The following WDFY4 variants were observed in gnomAD, a reference collection of about 807,000 sequenced individuals.
WDFY4 encodes WDFY family member 4, also known as WD repeat- and FYVE domain-containing protein 4.
A neutral mutation model predicts 351.9 loss-of-function variants in WDFY4; 169 were observed. That is an observed-to-expected ratio of 0.48 (90% CI 0.42 to 0.55). The LOEUF (loss-of-function observed/expected upper bound fraction) is 0.55. Ranked by LOEUF, WDFY4 falls within the 20% of genes least tolerant of loss-of-function variation. The pLI, the probability that WDFY4 is intolerant of heterozygous loss-of-function variation, is 0.00. For synonymous variants in WDFY4, 1,622 were observed against 1,574.6 expected (o/e 1.03, Z -0.71); for missense variants, 3,803 against 3,935.6 (o/e 0.97, Z 0.90).
At chr10:48,885,399 G>A (rs925084505) in intron 43 of WDFY4, among the ~76,000 whole-genome samples, 1 of 152,202 alleles carries the variant, frequency 6.6e-6, no homozygotes, top group Non-Finnish European at 1.5e-5. Context: ...CACAGGTTAT[G>A]GTGAGCATTG....
intron 32 of WDFY4, among the ~76,000 whole-genome samples, chr10:48,818,031 G>T (rs1038856383): frequency 5.3e-5 from 8 of 152,252 alleles, no homozygotes; most frequent in Non-Finnish European, 1.2e-4. Flanking sequence ...CTGGGTCAGG[G>T]CCGTGTGGGA....
chr10:48,864,754 T>G (rs2069481844), intron 39 of WDFY4, among the ~76,000 whole-genome samples: 1 of 152,218 alleles, frequency 6.6e-6, no homozygotes, highest in African/African-American at 2.4e-5. Context: ...CAGTGATATT[T>G]TATAGGTTTC....
At chr10:48,840,932 TAGA>T (rs1463401005) in intron 39 of WDFY4, among the ~76,000 whole-genome samples, 1 of 152,238 alleles carries the variant, frequency 6.6e-6, no homozygotes, top group Non-Finnish European at 1.5e-5. Context: ...ATCTTCATAA[TAGA>T]AGGATAATTA....
At chr10:48,773,337 T>A (rs2065927724) in intron 13 of WDFY4, among the ~76,000 whole-genome samples, 1 of 152,124 alleles carries the variant, frequency 6.6e-6, no homozygotes, top group African/African-American at 2.4e-5. Context: ...TCCATTAAGA[T>A]CTAACCTGTA....
rs777785599 is a variant in WDFY4, at chr10:48,974,863, C to A, written c.8930C>A (p.Ala2977Asp). 2 of 1,540,182 alleles carry A rather than the reference C, an allele frequency of 1.3e-6. No homozygotes were observed. Among genetic ancestry groups the A allele is most frequent in the Non-Finnish European group, 1.8e-6 (2 of 1,139,670 alleles). Reference sequence around the variant, plus strand: ...TAACCTGTGAGTCTCTGTCCCCAGGCCTTGTATGGACACACACAGGCTGTC... The same window carrying A: ...TAACCTGTGAGTCTCTGTCCCCAGGACTTGTATGGACACACACAGGCTGTC... ...GRPRGLRLRQ[A>D]LYGHTQAVTC... Residue 2977 changes from alanine (A) to aspartate (D), a missense_variant and splice_region_variant, in exon 58 of 62, where the codon GCC (alanine) becomes GAC (aspartate). Coordinates refer to ENST00000325239, the MANE Select transcript of WDFY4 (RefSeq NM_001394531.1).
intron 19 of WDFY4, among the ~76,000 whole-genome samples, chr10:48,784,909 G>A (rs2066353216): frequency 6.9e-6 from 1 of 145,118 alleles, no homozygotes; most frequent in African/African-American, 2.6e-5. Context: ...CCAGGCTGGA[G>A]TGCAGTGGTG....
chr10:48,730,852 T>A (rs940661260), intron 8 of WDFY4, among the ~76,000 whole-genome samples: 4 of 152,260 alleles, frequency 2.6e-5, no homozygotes, highest in Admixed American at 1.3e-4. Flanking sequence ...ATTATCTTTT[T>A]GAAATCTAAT....
In WDFY4 at chr10:48,881,166, C is replaced by T. The variant is rs893922793; in HGVS notation, c.7167+3967C>T. Reference sequence around the variant, plus strand: ...GTCTCTGGCATCTGCTGTTACTGCTCTGGCTGTTGCTGTTCCTTTCATAGC... The same window carrying T: ...GTCTCTGGCATCTGCTGTTACTGCTTTGGCTGTTGCTGTTCCTTTCATAGC... On this transcript the variant is annotated intron_variant, in intron 43 of 61. Coordinates refer to ENST00000325239, the MANE Select transcript of WDFY4 (RefSeq NM_001394531.1). 2.6e-5 allele frequency among the ~76,000 whole-genome samples: 4 copies of T among 152,190 alleles called. No homozygotes were observed. In the East Asian group the frequency reaches 7.7e-4, roughly 29 times the overall value.
rs768083529 is a variant in WDFY4, at chr10:48,820,291, G to A, written c.5563G>A (p.Asp1855Asn). 1.2e-5 allele frequency: 18 copies of A among 1,551,716 alleles called. 1 individual carries two copies. Among genetic ancestry groups the A allele is most frequent in the Non-Finnish European group, 1.4e-5 (16 of 1,146,998 alleles). ...TSSPEAAAEG[D>N]STVEGLQAPT... ...CAGTCCTGAGGCCGCAGCTGAAGGC[G>A]ACAGCACAGTGGAGGGTCTCCAGGC... The change falls in exon 33 of 62, where the codon GAC (aspartate) becomes AAC (asparagine). Residue 1855 changes from aspartate (D) to asparagine (N), a missense_variant. Around this residue, in one of 3 missense-constraint regions of WDFY4, gnomAD observed 3,054 missense variants for 3,148.6 expected, o/e 0.97. Transcript: ENST00000325239.
intron 61 of WDFY4, 84 bp from the exon 62 acceptor site, chr10:48,982,425 C>T: frequency 8.0e-7 from 1 of 1,248,784 alleles, no homozygotes; most frequent in South Asian, 1.6e-5. Flanking sequence ...CAGATAGAGC[C>T]CCAGAGTTGC....
chr10:48,743,443 A>G lies in WDFY4; in HGVS notation c.2354A>G (p.Lys785Arg), dbSNP rs1292064909. 6.4e-7 allele frequency: 1 copy of G among 1,550,808 alleles called. No homozygotes were observed. The highest frequency in any genetic ancestry group is 2.0e-5 in the Admixed American group (1 of 50,988). ...SGTLHLRGDL[K>R]ESLRTKQGPV... Reference sequence around the variant, plus strand: ...ACCCTCCACTTGCGTGGGGACCTGAAGGAGTCCCTGAGGACCAAGCAGGGG... The same window carrying G: ...ACCCTCCACTTGCGTGGGGACCTGAGGGAGTCCCTGAGGACCAAGCAGGGG... The change falls in exon 12 of 62, where the codon AAG (lysine) becomes AGG (arginine). Residue 785 changes from lysine (K) to arginine (R), a missense_variant. Coordinates refer to ENST00000325239, the MANE Select transcript of WDFY4 (RefSeq NM_001394531.1).
chr10:48,918,268 C>T (rs1245493523), intron 47 of WDFY4, among the ~76,000 whole-genome samples: 2 of 151,948 alleles, frequency 1.3e-5, no homozygotes, highest in Non-Finnish European at 2.9e-5. Context: ...CTACATGCTC[C>T]AATTAAAAGA....
chr10:48,700,461 A>G (rs1430061961), intron 1 of WDFY4, among the ~76,000 whole-genome samples: 2 of 152,240 alleles, frequency 1.3e-5, no homozygotes, highest in Non-Finnish European at 2.9e-5. Flanking sequence ...TTTGTTTACA[A>G]TAGTGTTCCT....
intron 55 of WDFY4, 93 bp from the exon 56 acceptor site, chr10:48,968,971 C>G (rs1842213189): frequency 7.6e-7 from 1 of 1,315,900 alleles, no homozygotes. Flanking sequence ...AAGTTCAAGT[C>G]CAGTGTGTCT....
At chr10:48,798,147 T>C (rs988809760) in intron 24 of WDFY4, among the ~76,000 whole-genome samples, 3 of 152,132 alleles carry the variant, frequency 2.0e-5, no homozygotes, top group African/African-American at 7.2e-5. Flanking sequence ...AGACTGACAG[T>C]CATCAATATG....
Position 48,821,154 on chromosome 10 carries a change from A to C in WDFY4, c.5802A>C (p.Gly1934=), listed in dbSNP as rs1481840280. 2 of 1,551,560 alleles carry C rather than the reference A, an allele frequency of 1.3e-6. No individual in the cohort carries two copies. ...SAMELFHMTS[G]GDAAMFRDGK... is the part of the protein sequence containing the mutation. ...TGGAACTATTCCACATGACAAGTGG[A>C]GGTGATGCAGCGATGTTCAGAGGTG... The change falls in exon 34 of 62, where the codon GGA becomes GGC. Residue 1934 remains glycine (G), a synonymous_variant. Transcript: ENST00000325239.
At position 48,709,874 on chromosome 10, in the gene WDFY4, G is replaced by A. The variant is rs1300123317; in HGVS notation, c.142G>A (p.Glu48Lys). 1 of 1,552,024 alleles carries A rather than the reference G, an allele frequency of 6.4e-7. No individual in the cohort carries two copies. Among genetic ancestry groups the A allele is most frequent in the South Asian group, 1.2e-5 (1 of 84,066 alleles). ...SSPTALWDML[E>K]RKFLEYQQLT... is the part of the protein sequence containing the mutation. Reference sequence around the variant, plus strand: ...CCCCACAGCTCTCTGGGACATGCTGGAAAGGAAGTTTCTGGAATACCAGCA... The same window carrying A: ...CCCCACAGCTCTCTGGGACATGCTGAAAAGGAAGTTTCTGGAATACCAGCA... The change falls in exon 2 of 62, where the codon GAA becomes AAA. Residue 48 changes from glutamate (E) to lysine (K), a missense_variant. Transcript: ENST00000325239.
rs555144421 is a variant in WDFY4, at chr10:48,904,181, G to C, written c.7586+2318G>C. On this transcript the variant is annotated intron_variant, in intron 47 of 61. Transcript: ENST00000325239. ...TTGTGCCAGGCACTTACCCTTTATA[G>C]ATTGTGGTGAAGTGCAAGGCATGCC... Among the ~76,000 whole-genome samples the C allele has an allele frequency of 3.3e-5, 5 of 152,334 alleles. No individual in the cohort carries two copies. In the South Asian group the frequency reaches 1.0e-3, roughly 32 times the overall value.
intron 13 of WDFY4, among the ~76,000 whole-genome samples, chr10:48,770,602 AG>A (rs1187765790): frequency 7.0e-6 from 1 of 142,906 alleles, no homozygotes; most frequent in Non-Finnish European, 1.5e-5. Context: ...GAAGAGAAGC[AG>A]GGGCTGGGCT....
Sources: allele counts gnomAD v4.1 joint callset (sites outside exome capture counted in the v4.1 genomes callset), GRCh38; gene constraint gnomAD v4.1.1; regional missense constraint gnomAD v4.1.1; transcripts MANE v1.5; gene names NCBI Gene and HGNC (gene_info 2026-07-23, HGNC 2026-07-21).